Variants in UBE2W observed in about 807,000 individuals in gnomAD.
UBE2W encodes ubiquitin-conjugating enzyme E2 W.
A neutral mutation model predicts 27.2 loss-of-function variants in UBE2W; 18 were observed. The observed-to-expected ratio is 0.66, with a 90% CI of 0.46 to 0.98. The LOEUF (loss-of-function observed/expected upper bound fraction) is 0.98, where lower values mean the gene tolerates loss of function less well. Ranked by LOEUF, UBE2W falls within the 50% of genes least tolerant of loss-of-function variation. The pLI is 0.00. For missense variants in UBE2W, 90 were observed against 180.2 expected, an observed-to-expected ratio of 0.50 and a Z score of 2.87; for synonymous variants, 53 against 57.2, an observed-to-expected ratio of 0.93 and a Z score of 0.33.
chr8:73,878,476 G>A (rs1307370581), intron 1 of UBE2W, among the ~76,000 whole-genome samples: 1 of 152,210 alleles, frequency 6.6e-6, no homozygotes, highest in Non-Finnish European at 1.5e-5. Flanking sequence ...GGGGCTGGCG[G>A]GCAGCAGACT....
intron 3 of UBE2W, among the ~76,000 whole-genome samples, chr8:73,822,587 T>G (rs2130894577): frequency 9.1e-6 from 1 of 110,252 alleles, no homozygotes; most frequent in East Asian, 3.1e-4. Context: ...TTCACTCTAT[T>G]AAATCTTGCA....
intron 1 of UBE2W, among the ~76,000 whole-genome samples, chr8:73,860,170 A>G (rs1163240069): frequency 2.0e-5 from 3 of 152,144 alleles, no homozygotes; most frequent in Admixed American, 1.3e-4. Flanking sequence ...AGATACTCTC[A>G]TTGAAGCATT....
chr8:73,852,059 G>A (rs1811106999), intron 1 of UBE2W, among the ~76,000 whole-genome samples: 1 of 150,472 alleles, frequency 6.6e-6, no homozygotes, highest in Non-Finnish European at 1.5e-5. Context: ...AGAAAGGAGA[G>A]GGAGGGGAGA....
chr8:73,849,116 C>CTGT (rs1810951629), intron 1 of UBE2W, among the ~76,000 whole-genome samples: 1 of 152,178 alleles, frequency 6.6e-6, no homozygotes, highest in African/African-American at 2.4e-5. Context: ...GGTGTTAACA[C>CTGT]TGTTTCTTTC....
intron 5 of UBE2W, among the ~76,000 whole-genome samples, chr8:73,798,618 G>C (rs1351739978): frequency 1.3e-5 from 2 of 152,192 alleles, no homozygotes; most frequent in Non-Finnish European, 2.9e-5. Flanking sequence ...GTATATGCCT[G>C]ATACTGACCT....
At chr8:73,876,256 T>C (rs1320458755) in intron 1 of UBE2W, among the ~76,000 whole-genome samples, 1 of 151,924 alleles carries the variant, frequency 6.6e-6, no homozygotes, top group African/African-American at 2.4e-5. Flanking sequence ...ACAAAGTTGA[T>C]AATTTTATTG....
chr8:73,796,781 C>A, intron 5 of UBE2W: 1 of 397,548 alleles, frequency 2.5e-6, no homozygotes, highest in Non-Finnish European at 3.4e-6. Context: ...AATAGGATGG[C>A]CATAACTAAG....
At chr8:73,835,847 T>G (rs1810289399) in intron 1 of UBE2W, among the ~76,000 whole-genome samples, 1 of 152,172 alleles carries the variant, frequency 6.6e-6, no homozygotes, top group Non-Finnish European at 1.5e-5. Flanking sequence ...GAGAACAGCC[T>G]AATTCAGAGG....
At chr8:73,864,979 T>C (rs1180514121) in intron 1 of UBE2W, among the ~76,000 whole-genome samples, 2 of 151,682 alleles carry the variant, frequency 1.3e-5, no homozygotes, top group Non-Finnish European at 2.9e-5. Flanking sequence ...ACAAATTTTC[T>C]CCAAAAGGCA....
intron 1 of UBE2W, among the ~76,000 whole-genome samples, chr8:73,866,913 G>A (rs546712500): frequency 4.0e-5 from 6 of 151,612 alleles, no homozygotes; most frequent in African/African-American, 1.2e-4. Context: ...GCTGAGGCAG[G>A]AGAATCGCTT....
rs571654235 is a variant in UBE2W at position 73,789,246 on chromosome 8, G to A, written c.*4856C>T. 3.3e-6 allele frequency: 3 copies of A among 912,700 alleles called. No individual in the cohort carries two copies. In the African/African-American group the frequency reaches 5.8e-5, roughly 18 times the overall value. The allele number at this position is 912,700 out of a possible 1,614,324, so 56.5% of individuals were successfully genotyped here. ...AGCATTTTGGGAGGCTGAGGCAGGA[G>A]GAATGCTTGAGCCCAGGAATTCAAG... On this transcript the variant is annotated 3_prime_UTR_variant, in exon 6 of 6. Transcript: ENST00000602593.
Position 73,788,063 on chromosome 8 carries a change from T to A in UBE2W, c.*6039A>T, listed in dbSNP as rs1379640041. The stretch of plus-strand genomic sequence containing the variant: ...AAGAGAAACTACTGTACAAATACTT[T>A]TACGTCATAAACCAAAAAGAGGTCT... On this transcript the variant is annotated 3_prime_UTR_variant, in exon 6 of 6. Coordinates refer to ENST00000602593, the MANE Select transcript of UBE2W (RefSeq NM_018299.6). The A allele has an allele frequency of 2.0e-6, 2 of 985,296 alleles. No individual in the cohort carries two copies. Among genetic ancestry groups the A allele is most frequent in the Non-Finnish European group, 2.4e-6 (2 of 829,828 alleles). The allele number at this position is 985,296 out of a possible 1,614,324, so 61.0% of individuals were successfully genotyped here.
intron 1 of UBE2W, among the ~76,000 whole-genome samples, chr8:73,830,988 C>G (rs146366544): frequency 1.3e-3 from 200 of 152,340 alleles, no homozygotes; most frequent in African/African-American, 4.7e-3. Flanking sequence ...AACACTAGAG[C>G]TTCCAGGCAG....
chr8:73,830,855 C>T (rs2130908994), intron 1 of UBE2W, among the ~76,000 whole-genome samples: 1 of 152,328 alleles, frequency 6.6e-6, no homozygotes, highest in South Asian at 2.1e-4. Context: ...AATCTGAAAT[C>T]ATTAAATTTC....
chr8:73,863,166 G>A (rs1271700753), intron 1 of UBE2W, among the ~76,000 whole-genome samples: 1 of 137,596 alleles, frequency 7.3e-6, no homozygotes, highest in Admixed American at 6.8e-5. Context: ...TAGCAAAGAC[G>A]TGGAACCAAC....
chr8:73,840,564 C>G (rs758190365), intron 1 of UBE2W, among the ~76,000 whole-genome samples: 1 of 152,190 alleles, frequency 6.6e-6, no homozygotes, highest in Admixed American at 6.5e-5. Context: ...AAATTCCTTA[C>G]TTTGTAAAAA....
chr8:73,856,600 C>T (rs1811313665), intron 1 of UBE2W, among the ~76,000 whole-genome samples: 1 of 152,082 alleles, frequency 6.6e-6, no homozygotes, highest in Non-Finnish European at 1.5e-5. Flanking sequence ...AGTGATCTGC[C>T]CGCCCTGGCC....
chr8:73,858,225 G>A (rs1454478236), intron 1 of UBE2W, among the ~76,000 whole-genome samples: 1 of 151,974 alleles, frequency 6.6e-6, no homozygotes, highest in Admixed American at 6.6e-5. Flanking sequence ...GTCGGGTGTG[G>A]TGGTGCACAC....
At chr8:73,813,816 G>A (rs79750067) in intron 3 of UBE2W, among the ~76,000 whole-genome samples, 1,793 of 151,544 alleles carry the variant, frequency 0.012, 80 homozygotes, top group East Asian at 0.096. Context: ...GCAATGGTAC[G>A]ACCTTGGCTC....
Sources: gnomAD v4.1 joint callset for allele counts (sites outside exome capture counted in the v4.1 genomes callset) on GRCh38, gnomAD v4.1.1 for gene constraint, MANE v1.5 for transcripts, NCBI Gene and HGNC (gene_info 2026-07-23, HGNC 2026-07-21) for gene names.